PTPRN2: variants seen among roughly 807,000 people sequenced by gnomAD.
The protein encoded by PTPRN2 is receptor-type tyrosine-protein phosphatase N2.
A neutral mutation model predicts 118.8 loss-of-function variants in PTPRN2; 74 were observed. The observed-to-expected ratio is 0.62, with a 90% CI of 0.52 to 0.76. The LOEUF (loss-of-function observed/expected upper bound fraction) is 0.76, where lower values mean the gene tolerates loss of function less well. Ranked by LOEUF, PTPRN2 falls within the 30% of genes least tolerant of loss-of-function variation. PTPRN2 has a pLI of 0.00. For synonymous variants in PTPRN2, 641 were observed against 608.0 expected (o/e 1.05, Z -0.80); for missense variants, 1,481 against 1,394.4 (o/e 1.06, Z -0.99).
chr7:157,923,352 G>A lies in PTPRN2; in HGVS notation c.1724-24615C>T, dbSNP rs1007879951. 2.6e-5 allele frequency among the ~76,000 whole-genome samples: 4 copies of A among 152,288 alleles called. No individual in the cohort carries two copies. In the East Asian group the frequency reaches 7.7e-4, roughly 29 times the overall value. On this transcript the variant is annotated intron_variant, in intron 11 of 22. Coordinates refer to ENST00000389418, the MANE Select transcript of PTPRN2 (RefSeq NM_002847.5). ...TGTGTTCTGGCAGGGCAAGAAGGCA[G>A]CCAGCCCCCTGGGACCATCCAACCA...
At chr7:157,677,816 C>T (rs1796740149) in intron 13 of PTPRN2, among the ~76,000 whole-genome samples, 1 of 152,214 alleles carries the variant, frequency 6.6e-6, no homozygotes, top group African/African-American at 2.4e-5. Flanking sequence ...GGATTTGGCA[C>T]CAGCGTGACA....
chr7:158,106,343 A>G (rs941576339), intron 10 of PTPRN2, among the ~76,000 whole-genome samples: 3 of 151,482 alleles, frequency 2.0e-5, no homozygotes, highest in African/African-American at 7.3e-5. Context: ...ATCTCAGCTC[A>G]TCTCCCTCTC....
intron 12 of PTPRN2, among the ~76,000 whole-genome samples, chr7:157,843,951 C>T (rs1808611368): frequency 6.6e-6 from 1 of 152,198 alleles, no homozygotes. Context: ...AGTGCCACCC[C>T]ACTGCAGGCA....
At chr7:157,818,290 G>A (rs116173949) in intron 12 of PTPRN2, among the ~76,000 whole-genome samples, 1,713 of 152,224 alleles carry the variant, frequency 0.011, 35 homozygotes, top group African/African-American at 0.037. Flanking sequence ...CAGTGTGTTG[G>A]TCATAGGGAG....
At chr7:158,523,735 T>C (rs369180920) in intron 1 of PTPRN2, among the ~76,000 whole-genome samples, 316 of 29,758 alleles carry the variant, frequency 0.011, 5 homozygotes, top group East Asian at 0.022. Flanking sequence ...TGCCCTGGAG[T>C]GGAGTCGTCT....
At chr7:157,824,124 C>T (rs1056334125) in intron 12 of PTPRN2, among the ~76,000 whole-genome samples, 1 of 152,196 alleles carries the variant, frequency 6.6e-6, no homozygotes, top group Non-Finnish European at 1.5e-5. Flanking sequence ...GGCCCCAGAG[C>T]TCAGACCGTC....
In PTPRN2 at chr7:158,308,702, T is replaced by C. The variant is rs144618572; in HGVS notation, c.277+8117A>G. Among the ~76,000 whole-genome samples the C allele has an allele frequency of 1.9e-3, 291 of 152,166 alleles. 5 individuals carry two copies. In the East Asian group the frequency reaches 0.046, roughly 24 times the overall value. ...ATTTGAATTAATAATTAAATTAATA[T>C]TAACTTGGTGTTAATAAAATTAAAT... is the stretch of plus-strand genomic sequence containing the variant. On this transcript the variant is annotated intron_variant, in intron 3 of 22. Transcript: ENST00000389418.
At chr7:157,604,538 G>T (rs1026128130) in intron 15 of PTPRN2, among the ~76,000 whole-genome samples, 2 of 152,154 alleles carry the variant, frequency 1.3e-5, no homozygotes, top group African/African-American at 4.8e-5. Context: ...GACACACTTG[G>T]CAACACACAG....
At chr7:158,041,905 C>A (rs1236144946) in intron 11 of PTPRN2, among the ~76,000 whole-genome samples, 1 of 152,200 alleles carries the variant, frequency 6.6e-6, no homozygotes, top group Non-Finnish European at 1.5e-5. Flanking sequence ...GACAGACTTC[C>A]TTCAGCCATG....
intron 2 of PTPRN2, among the ~76,000 whole-genome samples, chr7:158,444,318 G>A (rs1477679811): frequency 1.3e-5 from 2 of 152,258 alleles, no homozygotes; most frequent in African/African-American, 4.8e-5. Context: ...CCAGCCGGCC[G>A]TGAGCCCCAG....
chr7:158,385,206 T>C (rs1166767113), intron 2 of PTPRN2, among the ~76,000 whole-genome samples: 1 of 152,210 alleles, frequency 6.6e-6, no homozygotes, highest in East Asian at 1.9e-4. Context: ...TACCACACTA[T>C]GTGAGTCCCA....
At chr7:157,828,692 C>A (rs944513815) in intron 12 of PTPRN2, among the ~76,000 whole-genome samples, 4 of 152,176 alleles carry the variant, frequency 2.6e-5, no homozygotes, top group African/African-American at 7.2e-5. Flanking sequence ...AGACATTCAA[C>A]AAAACCAGGT....
At chr7:157,660,212 C>T (rs776176588) in intron 13 of PTPRN2, among the ~76,000 whole-genome samples, 31 of 152,014 alleles carry the variant, frequency 2.0e-4, no homozygotes, top group Non-Finnish European at 4.0e-4. Context: ...CCAGAGGGTC[C>T]GAGAATGTGA....
chr7:157,669,965 G>A (rs1303345786), intron 13 of PTPRN2, among the ~76,000 whole-genome samples: 1 of 152,148 alleles, frequency 6.6e-6, no homozygotes, highest in African/African-American at 2.4e-5. Context: ...TGTACCCACA[G>A]CATCTACGTG....
At chr7:157,821,741 T>C (rs1563144096) in intron 12 of PTPRN2, among the ~76,000 whole-genome samples, 1 of 151,898 alleles carries the variant, frequency 6.6e-6, no homozygotes, top group Non-Finnish European at 1.5e-5. Context: ...AGATGGAGGA[T>C]TGGGGAGAAT....
Position 158,544,528 on chromosome 7 carries a change from C to G in PTPRN2, c.112+43030G>C, listed in dbSNP as rs1269904356. 6.6e-6 allele frequency among the ~76,000 whole-genome samples: 1 copy of G among 151,950 alleles called. No homozygotes were observed. The highest frequency in any genetic ancestry group is 1.5e-5 in the Non-Finnish European group (1 of 68,016). Reference sequence around the variant, plus strand: ...TGGCACATGCCTGTAATCACAGCTACTTGGGATGCTGAAGCAGGAGAATCA... The same window carrying G: ...TGGCACATGCCTGTAATCACAGCTAGTTGGGATGCTGAAGCAGGAGAATCA... On this transcript the variant is annotated intron_variant, in intron 1 of 22. Transcript: ENST00000389418. The surrounding 1 kb of genome is among the most constrained non-coding windows in gnomAD (Gnocchi z 4.2).
intron 10 of PTPRN2, among the ~76,000 whole-genome samples, chr7:158,087,965 C>CTCT (rs1813624338): frequency 1.7e-5 from 2 of 117,680 alleles, no homozygotes; most frequent in Admixed American, 9.2e-5. Context: ...AACCTTCTTC[C>CTCT]CCTGATGAAA....
intron 2 of PTPRN2, among the ~76,000 whole-genome samples, chr7:158,340,947 C>A (rs1378785786): frequency 1.1e-5 from 1 of 87,146 alleles, no homozygotes; most frequent in Non-Finnish European, 2.6e-5. Flanking sequence ...ACACTCTCAC[C>A]ATAAGAGCTG....
chr7:157,662,310 G>GTTTA (rs957497099), intron 13 of PTPRN2, among the ~76,000 whole-genome samples: 8 of 152,212 alleles, frequency 5.3e-5, no homozygotes, highest in African/African-American at 1.9e-4. Flanking sequence ...ATGATTATTA[G>GTTTA]TTTATTCAAA....
Sources: gnomAD v4.1 joint callset for allele counts (sites outside exome capture counted in the v4.1 genomes callset) on GRCh38, gnomAD v4.1.1 for gene constraint, Gnocchi (gnomAD v3.1) non-coding constraint, MANE v1.5 for transcripts, NCBI Gene and HGNC (gene_info 2026-07-23, HGNC 2026-07-21) for gene names.